HHAT: variants seen among roughly 807,000 people sequenced by gnomAD.
The protein encoded by HHAT is protein-cysteine N-palmitoyltransferase HHAT.
HHAT carries 47 observed loss-of-function variants against 70.8 expected under a neutral mutation model. The ratio of observed to expected loss-of-function variants is 0.66; its 90% confidence interval spans 0.53 to 0.85. The LOEUF (loss-of-function observed/expected upper bound fraction) is 0.85. Ranked by LOEUF, HHAT falls within the 40% of genes least tolerant of loss-of-function variation. The pLI, the probability that HHAT is intolerant of heterozygous loss-of-function variation, is 0.00. For missense variants in HHAT, 609 were observed against 604.8 expected, an observed-to-expected ratio of 1.01 and a Z score of -0.07; for synonymous variants, 228 against 247.6, an observed-to-expected ratio of 0.92 and a Z score of 0.74.
chr1:210,364,880 G>T (rs1273632013), intron 3 of HHAT, among the ~76,000 whole-genome samples: 1 of 152,172 alleles, frequency 6.6e-6, no homozygotes. Flanking sequence ...ACACACTCTG[G>T]GAGCTCCAAG....
chr1:210,558,424 G>A (rs1486752814), intron 9 of HHAT, among the ~76,000 whole-genome samples: 1 of 152,212 alleles, frequency 6.6e-6, no homozygotes, highest in Non-Finnish European at 1.5e-5. Flanking sequence ...TAGAAAGAAA[G>A]GATGCAGTTG....
chr1:210,364,311 T>C (rs2088671556), intron 3 of HHAT, among the ~76,000 whole-genome samples: 1 of 152,212 alleles, frequency 6.6e-6, no homozygotes, highest in Non-Finnish European at 1.5e-5. Flanking sequence ...TCTGGGAAGC[T>C]TTGTCACAAA....
chr1:210,552,797 C>T (rs1436877254), intron 9 of HHAT, among the ~76,000 whole-genome samples: 3 of 152,182 alleles, frequency 2.0e-5, no homozygotes, highest in Non-Finnish European at 4.4e-5. Flanking sequence ...CTTGGTTTGC[C>T]TGGTGATTAT....
chr1:210,579,719 G>GCGCTCT (rs1573479572), intron 9 of HHAT, among the ~76,000 whole-genome samples: 1 of 152,294 alleles, frequency 6.6e-6, no homozygotes, highest in East Asian at 1.9e-4. Context: ...CTCAAGCACT[G>GCGCTCT]CGCTCTTTCT....
At chr1:210,432,492 C>T (rs973683235) in intron 7 of HHAT, among the ~76,000 whole-genome samples, 4 of 151,894 alleles carry the variant, frequency 2.6e-5, no homozygotes, top group Admixed American at 6.5e-5. Context: ...TGACTTTGGT[C>T]ATGGTTGACG....
intron 7 of HHAT, among the ~76,000 whole-genome samples, chr1:210,444,428 T>C (rs1340530015): frequency 3.5e-5 from 5 of 142,182 alleles, no homozygotes; most frequent in Non-Finnish European, 7.8e-5. Context: ...ATGGTACCAG[T>C]TCCTCCTTGT....
intron 10 of HHAT, among the ~76,000 whole-genome samples, chr1:210,600,192 C>T (rs1273938065): frequency 6.6e-6 from 1 of 151,934 alleles, no homozygotes; most frequent in East Asian, 1.9e-4. Context: ...TAATTTATTC[C>T]CTCGCTGAAC....
chr1:210,569,373 C>CGAAAAAAAAAAAAAAAA (rs1655615755), intron 9 of HHAT, among the ~76,000 whole-genome samples: 1 of 28,338 alleles, frequency 3.5e-5, no homozygotes, highest in Non-Finnish European at 6.3e-5. Flanking sequence ...GAGTCTGCCT[C>CGAAAAAAAAAAAAAAAA]AAAAAAAAAA....
rs190642890 is a variant in HHAT at position 210,638,448 on chromosome 1, T to A, written c.1390+14778T>A. On this transcript the variant is annotated intron_variant, in intron 11 of 11. Transcript: ENST00000261458. ...AAAGGACCACATGTTGTTGATTCTA[T>A]TTATAAAATGTCCAGAATAGGCAAA... 2.8e-4 allele frequency among the ~76,000 whole-genome samples: 43 copies of A among 152,298 alleles called. No individual in the cohort carries two copies. The East Asian group carries it at 7.7e-3, about 27-fold the overall frequency.
chr1:210,428,286 CTATATATATATATATATATATATA>C (rs66516721), intron 7 of HHAT, among the ~76,000 whole-genome samples: 2,190 of 101,424 alleles, frequency 0.022, 62 homozygotes, highest in African/African-American at 0.028. Context: ...TGAGCTTATA[CTATATATATATATATATATATATA>C]TATATATATA....
intron 3 of HHAT, among the ~76,000 whole-genome samples, chr1:210,386,873 G>A (rs554536517): frequency 1.1e-4 from 17 of 152,170 alleles, no homozygotes; most frequent in Non-Finnish European, 2.5e-4. Flanking sequence ...TTCTTGGGGG[G>A]AAGGGAAGTG....
intron 11 of HHAT, among the ~76,000 whole-genome samples, chr1:210,629,488 A>G (rs1200980915): frequency 1.3e-5 from 2 of 152,248 alleles, no homozygotes; most frequent in Admixed American, 1.3e-4. Context: ...GTGTTGCCAC[A>G]TTGGTTCCCT....
intron 3 of HHAT, among the ~76,000 whole-genome samples, chr1:210,381,134 C>T (rs752328065): frequency 8.6e-5 from 13 of 151,832 alleles, no homozygotes; most frequent in Non-Finnish European, 1.8e-4. Context: ...GGGAGGAAAA[C>T]GATTTTGCAG....
At chr1:210,358,255 A>G (rs1215214778) in intron 2 of HHAT, among the ~76,000 whole-genome samples, 1 of 152,212 alleles carries the variant, frequency 6.6e-6, no homozygotes, top group Non-Finnish European at 1.5e-5. Flanking sequence ...CTTCTCCCAG[A>G]AGCTCTAAAG....
chr1:210,584,143 C>T (rs182746224), intron 9 of HHAT, among the ~76,000 whole-genome samples: 312 of 151,540 alleles, frequency 2.1e-3, no homozygotes, highest in African/African-American at 7.4e-3. Flanking sequence ...GGGTTCACCA[C>T]GTTGGCCAGG....
In HHAT at chr1:210,409,323, G is replaced by A. The variant is rs2092446348; in HGVS notation, c.684+4644G>A. Among the ~76,000 whole-genome samples the A allele has an allele frequency of 2.6e-5, 4 of 152,250 alleles. No homozygotes were observed. In the South Asian group the frequency reaches 8.3e-4, roughly 32 times the overall value. ...TGCGCTGACTTGGTGTGTGAGAGGA[G>A]TTAGAGGGGGATGGAGTGTGGCCTA... On this transcript the variant is annotated intron_variant, in intron 6 of 11. Coordinates refer to ENST00000261458, the MANE Select transcript of HHAT (RefSeq NM_018194.6).
At chr1:210,390,109 C>T (rs1293977781) in intron 4 of HHAT, among the ~76,000 whole-genome samples, 1 of 151,946 alleles carries the variant, frequency 6.6e-6, no homozygotes, top group Non-Finnish European at 1.5e-5. Flanking sequence ...ATATGTCAGT[C>T]ATTGCAATCA....
At chr1:210,473,644 G>C (rs941064578) in intron 8 of HHAT, among the ~76,000 whole-genome samples, 32 of 152,228 alleles carry the variant, frequency 2.1e-4, no homozygotes, top group Admixed American at 1.7e-3. Flanking sequence ...GGAAGTGGAG[G>C]CTTTACCTGC....
chr1:210,494,325 G>A lies in HHAT; in HGVS notation c.1008-18828G>A, dbSNP rs559287162. On this transcript the variant is annotated intron_variant, in intron 8 of 11. Coordinates refer to ENST00000261458, the MANE Select transcript of HHAT (RefSeq NM_018194.6). The stretch of plus-strand genomic sequence containing the variant: ...GGGAACCTTTTAGGAGGCTATTGAA[G>A]TGGAAGTGGTGAGAAGTCATCAGAT... 7.2e-4 allele frequency among the ~76,000 whole-genome samples: 109 copies of A among 152,216 alleles called. 3 individuals carry two copies. The highest frequency in any genetic ancestry group is 2.4e-3 in the African/African-American group (101 of 41,552).
Sources: allele counts gnomAD v4.1 joint callset (sites outside exome capture counted in the v4.1 genomes callset), GRCh38; gene constraint gnomAD v4.1.1; transcripts MANE v1.5; gene names NCBI Gene and HGNC (gene_info 2026-07-23, HGNC 2026-07-21).